The following NLRP5 variants were observed in gnomAD, a reference collection of about 807,000 sequenced individuals.
The protein encoded by NLRP5 is NLR family pyrin domain containing 5.
A neutral mutation model predicts 113.1 loss-of-function variants in NLRP5; 93 were observed. That is an observed-to-expected ratio of 0.82 (90% CI 0.70 to 0.98). NLRP5 has a LOEUF of 0.98. Ranked by LOEUF, NLRP5 falls within the 50% of genes least tolerant of loss-of-function variation. The pLI is 0.00. For synonymous variants in NLRP5, 751 were observed against 600.7 expected (o/e 1.25, Z -3.66); for missense variants, 1,808 against 1,514.3 (o/e 1.19, Z -3.22).
intron 2 of NLRP5, among the ~76,000 whole-genome samples, chr19:56,006,471 C>T (rs1981918040): frequency 6.6e-6 from 1 of 151,932 alleles, no homozygotes; most frequent in Non-Finnish European, 1.5e-5. Context: ...GTGGCTAATG[C>T]CTGTAATCCC....
chr19:55,995,501 T>C (rs1341160561), upstream of NLRP5, among the ~76,000 whole-genome samples: 2 of 152,234 alleles, frequency 1.3e-5, no homozygotes, highest in African/African-American at 4.8e-5. Context: ...CTGTTTTGGT[T>C]ACTATAGCTT....
chr19:56,007,639 A>G lies in NLRP5; in HGVS notation c.443-1149A>G, dbSNP rs1268628748. On this transcript the variant is annotated intron_variant, in intron 2 of 14. Coordinates refer to ENST00000390649, the MANE Select transcript of NLRP5 (RefSeq NM_153447.4). ...CATCTTGAAAATACTTGTAATAGCA[A>G]GTAGAAGCAATTACATAGTTTGAAA... 2.0e-5 allele frequency among the ~76,000 whole-genome samples: 3 copies of G among 151,218 alleles called. No homozygotes were observed. The East Asian group carries it at 5.8e-4, about 29-fold the overall frequency.
At chr19:56,008,724 T>G in intron 2 of NLRP5, 64 bp from the exon 3 acceptor site, 2 of 1,422,192 alleles carry the variant, frequency 1.4e-6, no homozygotes, top group Non-Finnish European at 1.9e-6. Context: ...GACATTCTTA[T>G]CCTTGGCTTG....
intron 12 of NLRP5, 36 bp from the exon 13 acceptor site, chr19:56,053,602 G>T (rs1172795293): frequency 6.3e-7 from 1 of 1,587,636 alleles, no homozygotes; most frequent in Admixed American, 1.8e-5. Context: ...CTTTCCTCGA[G>T]AGAGGCAGAC....
At chr19:56,051,763 G>A (rs574453623) in intron 12 of NLRP5, among the ~76,000 whole-genome samples, 2 of 152,140 alleles carry the variant, frequency 1.3e-5, no homozygotes, top group African/African-American at 4.8e-5. Flanking sequence ...CTTATATCTA[G>A]TGTTTTCATC....
At chr19:56,012,435 A>G (rs1188769973) in intron 3 of NLRP5, among the ~76,000 whole-genome samples, 1 of 141,644 alleles carries the variant, frequency 7.1e-6, no homozygotes, top group African/African-American at 2.6e-5. Context: ...GGCATGAGCC[A>G]CTGCGCCTTG....
chr19:56,055,126 C>T (rs541715131), intron 13 of NLRP5, among the ~76,000 whole-genome samples: 231 of 150,394 alleles, frequency 1.5e-3, no homozygotes, highest in African/African-American at 5.5e-3. Flanking sequence ...GTAGCTGGGA[C>T]TACAGGTGCC....
At chr19:55,996,590 G>T (rs901150872), upstream of NLRP5, among the ~76,000 whole-genome samples, 4 of 152,078 alleles carry the variant, frequency 2.6e-5, no homozygotes, top group Non-Finnish European at 5.9e-5. Context: ...TGTGGTGTTT[G>T]GTTTTTCGTC....
intron 1 of NLRP5, among the ~76,000 whole-genome samples, chr19:56,000,048 CT>C (rs1981572050): frequency 6.6e-6 from 1 of 151,172 alleles, no homozygotes; most frequent in African/African-American, 2.5e-5. Flanking sequence ...TGTCCAGGGA[CT>C]GCCACCTCTC....
intron 2 of NLRP5, among the ~76,000 whole-genome samples, chr19:56,007,289 G>C (rs1319734291): frequency 6.6e-6 from 1 of 151,074 alleles, no homozygotes; most frequent in African/African-American, 2.5e-5. Flanking sequence ...GCTTGAAGCT[G>C]GGAGGCAGAG....
chr19:56,055,537 C>CTTTTTTTTT (rs1160965587), intron 13 of NLRP5, among the ~76,000 whole-genome samples: 1,141 of 76,340 alleles, frequency 0.015, 143 homozygotes, highest in Middle Eastern at 0.028. Flanking sequence ...CTTTCTCTGT[C>CTTTTTTTTT]TTTTTTTTTT....
the NLRP5 span, among the ~76,000 whole-genome samples, chr19:55,991,699 A>G: frequency 3.3e-5 from 5 of 152,216 alleles, no homozygotes; most frequent in Non-Finnish European, 7.3e-5. Context: ...TTAGGCATAC[A>G]TACCTACATA....
intron 2 of NLRP5, among the ~76,000 whole-genome samples, chr19:56,005,648 G>GCGCGCA (rs1366899147): frequency 1.3e-5 from 2 of 149,276 alleles, no homozygotes; most frequent in African/African-American, 5.1e-5. Context: ...ACACACGCGC[G>GCGCGCA]CAGGTGGCAT....
chr19:56,011,909 C>G (rs970826657), intron 3 of NLRP5, among the ~76,000 whole-genome samples: 1 of 151,954 alleles, frequency 6.6e-6, no homozygotes, highest in African/African-American at 2.4e-5. Flanking sequence ...TCAGGCTGGC[C>G]TAGAATTCCT....
At chr19:56,004,601 G>A (rs368763987) in intron 2 of NLRP5, among the ~76,000 whole-genome samples, 10 of 152,158 alleles carry the variant, frequency 6.6e-5, no homozygotes, top group Admixed American at 2.0e-4. Flanking sequence ...GAGGTTCCAG[G>A]TGCTCATCTG....
intron 11 of NLRP5, among the ~76,000 whole-genome samples, chr19:56,043,539 A>ATTTTTTT: frequency 7.4e-5 from 2 of 27,040 alleles, no homozygotes; most frequent in South Asian, 1.1e-3. Flanking sequence ...TTACTCTGCT[A>ATTTTTTT]TTCTTTTTTT....
At chr19:56,009,351 A>AAAAAAAAAAAAAAC (rs1982090531) in intron 3 of NLRP5, among the ~76,000 whole-genome samples, 1 of 149,580 alleles carries the variant, frequency 6.7e-6, no homozygotes, top group Non-Finnish European at 1.5e-5. Context: ...AAAAAAAAAA[A>AAAAAAAAAAAAAAC]AAAAAAAAGA....
chr19:56,061,338 G>A, intron 14 of NLRP5, 58 bp from the exon 15 acceptor site: 1 of 1,575,044 alleles, frequency 6.3e-7, no homozygotes, highest in Non-Finnish European at 8.6e-7. Flanking sequence ...GAATTTTGAA[G>A]AAGGGAGAAG....
intron 2 of NLRP5, among the ~76,000 whole-genome samples, chr19:56,007,031 G>T (rs1006843420): frequency 1.3e-5 from 2 of 151,170 alleles, no homozygotes; most frequent in African/African-American, 2.5e-5. Flanking sequence ...GAGCCACTGT[G>T]CCTGGCCTAA....
Sources: allele counts gnomAD v4.1 joint callset (sites outside exome capture counted in the v4.1 genomes callset), GRCh38; gene constraint gnomAD v4.1.1; transcripts MANE v1.5; gene names NCBI Gene and HGNC (gene_info 2026-07-23, HGNC 2026-07-21).